Variants in PTPRN2 observed in about 807,000 individuals in gnomAD.
PTPRN2 encodes protein tyrosine phosphatase receptor type N2.
In PTPRN2, 74 loss-of-function variants were observed where a neutral mutation model predicts 118.8. The ratio of observed to expected loss-of-function variants is 0.62; its 90% CI spans 0.52 to 0.76. The LOEUF (loss-of-function observed/expected upper bound fraction) is 0.76. Among genes scored for constraint, PTPRN2 ranks in the 30% least tolerant of loss-of-function variants. PTPRN2 has a pLI of 0.00. For synonymous variants in PTPRN2, 641 were observed against 608.0 expected (o/e 1.05, Z -0.80); for missense variants, 1,481 against 1,394.4 (o/e 1.06, Z -0.99).
At chr7:158,333,787 CTCTCACCATAAGA>C (rs1804993910) in intron 2 of PTPRN2, among the ~76,000 whole-genome samples, 1 of 147,856 alleles carries the variant, frequency 6.8e-6, no homozygotes, top group Admixed American at 6.8e-5. Flanking sequence ...CACACACACA[CTCTCACCATAAGA>C]GCTGAGGCCC....
chr7:157,985,590 C>T (rs1020419377), intron 11 of PTPRN2, among the ~76,000 whole-genome samples: 2 of 152,236 alleles, frequency 1.3e-5, no homozygotes, highest in African/African-American at 4.8e-5. Flanking sequence ...TATATGATCC[C>T]TGCTTGGAGA....
intron 8 of PTPRN2, among the ~76,000 whole-genome samples, chr7:158,135,423 G>T (rs1818725641): frequency 6.6e-6 from 1 of 151,656 alleles, no homozygotes; most frequent in South Asian, 2.1e-4. Flanking sequence ...CACTTAAATT[G>T]TGTTTCATGT....
At chr7:157,711,801 C>T (rs1342720100) in intron 12 of PTPRN2, among the ~76,000 whole-genome samples, 1 of 151,898 alleles carries the variant, frequency 6.6e-6, no homozygotes, top group Non-Finnish European at 1.5e-5. Flanking sequence ...CATTTTCTAC[C>T]GACTTTGTTA....
intron 12 of PTPRN2, among the ~76,000 whole-genome samples, chr7:157,712,751 CAAAAAAAAAAAAAA>C (rs755055515): frequency 1.1e-5 from 1 of 89,930 alleles, no homozygotes; most frequent in Non-Finnish European, 2.1e-5. Context: ...AACTCCATCT[CAAAAAAAAAAAAAA>C]AAAAAAAAAG....
Position 157,585,251 on chromosome 7 carries a change from G to A in PTPRN2, c.2497-7111C>T, listed in dbSNP as rs1256327810. Among the ~76,000 whole-genome samples the A allele has an allele frequency of 6.6e-6, 1 of 152,158 alleles. No individual in the cohort carries two copies. Among genetic ancestry groups the A allele is most frequent in the Admixed American group, 6.5e-5 (1 of 15,268 alleles). On this transcript the variant is annotated intron_variant, in intron 17 of 22. Transcript: ENST00000389418. This position sits in a 1 kb window ranked among gnomAD's most constrained non-coding sequence, Gnocchi z 5.2. ...GAGGAGCAGCTGCAGCAACCTCTGG[G>A]ACTTTTCCACCAGCAGTATTGCCGC... is the stretch of plus-strand genomic sequence containing the variant.
At chr7:158,047,944 A>G (rs1809006276) in intron 11 of PTPRN2, among the ~76,000 whole-genome samples, 1 of 152,166 alleles carries the variant, frequency 6.6e-6, no homozygotes, top group Non-Finnish European at 1.5e-5. Context: ...TACCGAGCAC[A>G]TGGAACACAC....
At chr7:158,067,693 G>C (rs956846744) in intron 11 of PTPRN2, among the ~76,000 whole-genome samples, 1 of 152,120 alleles carries the variant, frequency 6.6e-6, no homozygotes, top group African/African-American at 2.4e-5. Context: ...GAGACAAGGC[G>C]TGAAGGAGTG....
chr7:157,766,490 A>C (rs897517262), intron 12 of PTPRN2, among the ~76,000 whole-genome samples: 15 of 152,182 alleles, frequency 9.9e-5, no homozygotes, highest in African/African-American at 3.6e-4. Context: ...TCCTCCATCC[A>C]TCCATTGATC....
chr7:157,584,285 G>T (rs2150541571), intron 17 of PTPRN2, among the ~76,000 whole-genome samples: 1 of 152,194 alleles, frequency 6.6e-6, no homozygotes, highest in Non-Finnish European at 1.5e-5. Context: ...CTTGTCTTTA[G>T]CCCGTATGTC....
chr7:157,941,563 A>T (rs1324481746), intron 11 of PTPRN2, among the ~76,000 whole-genome samples: 1 of 152,156 alleles, frequency 6.6e-6, no homozygotes, highest in Non-Finnish European at 1.5e-5. Context: ...TGGGTACTTG[A>T]AACCAGAGCA....
intron 9 of PTPRN2, among the ~76,000 whole-genome samples, chr7:158,111,228 C>T (rs1428000670): frequency 1.3e-5 from 2 of 152,174 alleles, no homozygotes; most frequent in Non-Finnish European, 2.9e-5. Context: ...GATGCTGGGA[C>T]TCTGACTGAG....
intron 22 of PTPRN2, among the ~76,000 whole-genome samples, 190 bp downstream of exon 22, chr7:157,548,756 C>T (rs777439538): frequency 3.9e-5 from 6 of 152,176 alleles, no homozygotes; most frequent in African/African-American, 4.8e-5. Context: ...TTGCAGGAAA[C>T]GCCAGTGGAC....
chr7:158,079,298 C>T (rs919356816), intron 11 of PTPRN2, among the ~76,000 whole-genome samples: 1 of 152,184 alleles, frequency 6.6e-6, no homozygotes, highest in Admixed American at 6.5e-5. Flanking sequence ...AACATGGAGG[C>T]ACTGGTGCAA....
chr7:158,084,959 C>A (rs1189443220), intron 10 of PTPRN2, among the ~76,000 whole-genome samples: 1 of 140,086 alleles, frequency 7.1e-6, no homozygotes, highest in East Asian at 2.3e-4. Flanking sequence ...ACCCACGACG[C>A]CCATCCACAC....
chr7:157,812,730 G>A lies in PTPRN2; in HGVS notation c.1788+85943C>T, dbSNP rs565400502. Among the ~76,000 whole-genome samples the A allele has an allele frequency of 3.3e-5, 5 of 152,160 alleles. No individual in the cohort carries two copies. The East Asian group carries it at 5.8e-4, about 18-fold the overall frequency. On this transcript the variant is annotated intron_variant, in intron 12 of 22. Transcript: ENST00000389418. ...AATTTCCATTTAACTTCCATTTAAC[G>A]TATAGCCAAGGAGGCCCGTGATTTC... is the stretch of plus-strand genomic sequence containing the variant.
intron 2 of PTPRN2, among the ~76,000 whole-genome samples, chr7:158,413,832 G>A (rs1047668481): frequency 6.6e-6 from 1 of 152,178 alleles, no homozygotes; most frequent in Non-Finnish European, 1.5e-5. Context: ...AGCTCAACCT[G>A]GGCCACCCTT....
chr7:158,070,787 TGGTGGTG>T (rs1811283897), intron 11 of PTPRN2, among the ~76,000 whole-genome samples: 3 of 112,616 alleles, frequency 2.7e-5, no homozygotes, highest in African/African-American at 7.9e-5. Flanking sequence ...GAGGTGCCCG[TGGTGGTG>T]GAGGTGCCCG....
intron 13 of PTPRN2, among the ~76,000 whole-genome samples, chr7:157,661,522 A>G (rs554464970): frequency 2.0e-4 from 31 of 152,342 alleles, no homozygotes; most frequent in African/African-American, 7.2e-4. Flanking sequence ...CACCGCTACC[A>G]AGTTTCTATT....
chr7:158,519,446 T>C (rs1823820946), intron 1 of PTPRN2, among the ~76,000 whole-genome samples: 1 of 152,106 alleles, frequency 6.6e-6, no homozygotes, highest in African/African-American at 2.4e-5. Flanking sequence ...TCAAGCTCCT[T>C]CCCTGCCCGA....
Sources: gnomAD v4.1 joint callset for allele counts (sites outside exome capture counted in the v4.1 genomes callset) on GRCh38, gnomAD v4.1.1 for gene constraint, Gnocchi (gnomAD v3.1) non-coding constraint, MANE v1.5 for transcripts, NCBI Gene and HGNC (gene_info 2026-07-23, HGNC 2026-07-21) for gene names.